The following SLC35F3 variants were observed in gnomAD, a reference collection of about 807,000 sequenced individuals.
The protein encoded by SLC35F3 is solute carrier family 35 member F3.
In SLC35F3, 25 loss-of-function variants were observed where a neutral mutation model predicts 49.9. That is an observed-to-expected ratio of 0.50 (90% CI 0.37 to 0.70). The LOEUF (loss-of-function observed/expected upper bound fraction) is 0.70, where lower values mean the gene tolerates loss of function less well. SLC35F3 is among the 30% of genes least tolerant of loss of function. SLC35F3 has a pLI of 0.00. For synonymous variants in SLC35F3, 275 were observed against 265.4 expected (o/e 1.04, Z -0.35); for missense variants, 525 against 639.8 (o/e 0.82, Z 1.94).
At chr1:234,103,542 G>A in intron 2 of SLC35F3, among the ~76,000 whole-genome samples, 1 of 152,158 alleles carries the variant, frequency 6.6e-6, no homozygotes, top group East Asian at 1.9e-4. Context: ...GTACCACATG[G>A]GACATCCAAT....
At chr1:233,994,013 A>G (rs549921617) in intron 2 of SLC35F3, among the ~76,000 whole-genome samples, 1 of 152,284 alleles carries the variant, frequency 6.6e-6, no homozygotes, top group East Asian at 1.9e-4. Context: ...GTGCTTCTCT[A>G]TAGCCATGGG....
In SLC35F3 at chr1:234,323,212, A is replaced by T. The variant is rs867740386; in HGVS notation, c.1442A>T (p.Asn481Ile). 1 of 1,614,014 alleles carries T rather than the reference A, an allele frequency of 6.2e-7. No homozygotes were observed. The highest frequency in any genetic ancestry group is 1.7e-4 in the Middle Eastern group (1 of 6,058). ...CTGAGCTCAGGACCTCAGAGCAAGA[A>T]CAGAAGAGCCCGCCCTTCCTTCGCC... ...ADLSSGPQSK[N>I]RRARPSFAR is the part of the protein sequence containing the mutation. Residue 481 changes from asparagine to isoleucine, a missense_variant, in exon 8 of 8, where the codon AAC becomes ATC. Physicochemically the swap from Asn to Ile is moderately radical, Grantham distance 149 (BLOSUM62 -3). Around this residue, in one of 4 missense-constraint regions of SLC35F3, gnomAD observed 76 missense variants for 95.6 expected, o/e 0.80. Coordinates refer to ENST00000366618, the MANE Select transcript of SLC35F3 (RefSeq NM_173508.4). The surrounding 1 kb of genome is among the most constrained non-coding windows in gnomAD (Gnocchi z 4.5).
intron 3 of SLC35F3, among the ~76,000 whole-genome samples, chr1:234,300,678 C>T (rs1293128607): frequency 6.6e-6 from 1 of 152,190 alleles, no homozygotes; most frequent in Non-Finnish European, 1.5e-5. Context: ...GAACACTTCA[C>T]TGAAGGGGAT....
At chr1:233,961,130 GC>G (rs1288547305) in intron 2 of SLC35F3, among the ~76,000 whole-genome samples, 1 of 152,122 alleles carries the variant, frequency 6.6e-6, no homozygotes, top group Admixed American at 6.5e-5. Flanking sequence ...CAAAATATTT[GC>G]AGTGGTGCCT....
chr1:234,113,699 C>T (rs1665442025), intron 2 of SLC35F3, among the ~76,000 whole-genome samples: 1 of 152,024 alleles, frequency 6.6e-6, no homozygotes, highest in African/African-American at 2.4e-5. Flanking sequence ...CCCGTCTCCA[C>T]TAAAAATACA....
intron 2 of SLC35F3, among the ~76,000 whole-genome samples, chr1:234,031,390 C>T (rs4492691): frequency 6.6e-6 from 1 of 152,082 alleles, no homozygotes; most frequent in Non-Finnish European, 1.5e-5. Context: ...TTCCAGGCTG[C>T]GTATCAATGA....
chr1:234,139,438 T>G (rs1460237633), intron 2 of SLC35F3, among the ~76,000 whole-genome samples: 1 of 152,190 alleles, frequency 6.6e-6, no homozygotes, highest in Non-Finnish European at 1.5e-5. Context: ...TTATACTTTT[T>G]AAAAATCCTC....
At chr1:234,083,978 C>T (rs1245661079) in intron 2 of SLC35F3, among the ~76,000 whole-genome samples, 3 of 151,824 alleles carry the variant, frequency 2.0e-5, no homozygotes, top group Non-Finnish European at 4.4e-5. Flanking sequence ...GCTGGGATTA[C>T]AGGCATATGT....
intron 2 of SLC35F3, among the ~76,000 whole-genome samples, chr1:233,985,014 TG>T (rs59133633): frequency 1.3e-5 from 2 of 148,200 alleles, no homozygotes; most frequent in South Asian, 2.1e-4. Flanking sequence ...ATGCAGGGGT[TG>T]GGGGGGTGCC....
chr1:234,195,553 G>A (rs1666795107), intron 2 of SLC35F3, among the ~76,000 whole-genome samples: 1 of 151,992 alleles, frequency 6.6e-6, no homozygotes, highest in Non-Finnish European at 1.5e-5. Flanking sequence ...TGACTGGAAG[G>A]CCCTTCTCCC....
In SLC35F3 at chr1:234,129,248, T is replaced by C. The variant is rs562271425; in HGVS notation, c.284-102169T>C. ...ACACATGAGAAGGTGCTCGACCTCA[T>C]TGATCATCAGGGAAATACAAATTGA... On this transcript the variant is annotated intron_variant, in intron 2 of 7. Transcript: ENST00000366618. 3.9e-5 allele frequency among the ~76,000 whole-genome samples: 6 copies of C among 152,204 alleles called. No individual in the cohort carries two copies. The East Asian group carries it at 7.7e-4, about 20-fold the overall frequency.
chr1:234,263,375 T>G (rs1441168718), intron 3 of SLC35F3, among the ~76,000 whole-genome samples: 1 of 152,202 alleles, frequency 6.6e-6, no homozygotes, highest in African/African-American at 2.4e-5. Flanking sequence ...CTTATTAAAA[T>G]TATTATTTAG....
intron 2 of SLC35F3, among the ~76,000 whole-genome samples, chr1:234,105,422 A>G (rs1013593266): frequency 2.6e-5 from 4 of 152,166 alleles, no homozygotes; most frequent in Admixed American, 1.3e-4. Context: ...CAGAATCCCT[A>G]TGGGTCAATA....
chr1:234,158,397 T>TA (rs1666182272), intron 2 of SLC35F3, among the ~76,000 whole-genome samples: 1 of 152,202 alleles, frequency 6.6e-6, no homozygotes, highest in Non-Finnish European at 1.5e-5. Context: ...TTTCAATACT[T>TA]ATAGTTTTGC....
intron 3 of SLC35F3, among the ~76,000 whole-genome samples, chr1:234,275,274 A>T (rs1020949441): frequency 6.6e-6 from 1 of 152,140 alleles, no homozygotes; most frequent in African/African-American, 2.4e-5. Context: ...TTTCTTGTTT[A>T]GACTTGGGTT....
Position 233,954,100 on chromosome 1 carries a change from G to A in SLC35F3, c.283+48342G>A, listed in dbSNP as rs569294976. On this transcript the variant is annotated intron_variant, in intron 2 of 7. Transcript: ENST00000366618. ...CGGCTCACTGCAACCTCCACCTCCC[G>A]GGTTCAAGCTATTCTCCTGCCTCGG... Among the ~76,000 whole-genome samples the A allele has an allele frequency of 2.9e-3, 431 of 149,980 alleles. 4 individuals are homozygous for A. The highest frequency in any genetic ancestry group is 0.01 in the African/African-American group (420 of 40,876).
At chr1:234,304,343 A>G (rs1668744908) in intron 3 of SLC35F3, among the ~76,000 whole-genome samples, 1 of 151,948 alleles carries the variant, frequency 6.6e-6, no homozygotes, top group Admixed American at 6.6e-5. Flanking sequence ...ATATTTTTTT[A>G]GTAGAGGCAG....
At position 234,036,617 on chromosome 1, in the gene SLC35F3, T is replaced by C. The variant is rs913429526; in HGVS notation, c.283+130859T>C. Among the ~76,000 whole-genome samples, 3 of 152,252 alleles carry C rather than the reference T, an allele frequency of 2.0e-5. No individual in the cohort carries two copies. In the South Asian group the frequency reaches 6.2e-4, roughly 31 times the overall value. ...CATGTGTCCACTAGTCCAGAGATTG[T>C]GTTCTATCTTTTCACAACTATTCAG... On this transcript the variant is annotated intron_variant, in intron 2 of 7. Transcript: ENST00000366618.
chr1:234,053,163 G>T (rs1473672872), intron 2 of SLC35F3, among the ~76,000 whole-genome samples: 2 of 152,178 alleles, frequency 1.3e-5, no homozygotes, highest in Non-Finnish European at 2.9e-5. Context: ...TCCTCTTGGT[G>T]CAGAGCTGAG....
Sources: allele counts gnomAD v4.1 joint callset (sites outside exome capture counted in the v4.1 genomes callset), GRCh38; gene constraint gnomAD v4.1.1; regional missense constraint gnomAD v4.1.1; non-coding constraint Gnocchi (gnomAD v3.1); transcripts MANE v1.5; gene names NCBI Gene and HGNC (gene_info 2026-07-23, HGNC 2026-07-21).